Variants in RAB40B observed in about 807,000 individuals in gnomAD.
The protein encoded by RAB40B is RAB40B, member RAS oncogene family.
RAB40B carries 21 observed loss-of-function variants against 24.0 expected under a neutral mutation model. That is an observed-to-expected ratio of 0.88 (90% confidence interval 0.62 to 1.26). The LOEUF (loss-of-function observed/expected upper bound fraction) is 1.26. Among genes scored for constraint, RAB40B ranks in the 50% most tolerant of loss-of-function variants. The pLI, the probability that RAB40B is intolerant of heterozygous loss-of-function variation, is 0.00. For synonymous variants in RAB40B, 167 were observed against 169.8 expected (o/e 0.98, Z 0.13); for missense variants, 348 against 390.5 (o/e 0.89, Z 0.92).
At chr17:82,676,437 T>TC (rs372603297) in intron 1 of RAB40B, among the ~76,000 whole-genome samples, 56 of 76,094 alleles carry the variant, frequency 7.4e-4, no homozygotes, top group Admixed American at 1.2e-3. Context: ...CAACAGCCTC[T>TC]CCCCCCCCAC....
At chr17:82,681,523 T>A (rs1247201592) in intron 1 of RAB40B, among the ~76,000 whole-genome samples, 1 of 152,078 alleles carries the variant, frequency 6.6e-6, no homozygotes, top group Non-Finnish European at 1.5e-5. Context: ...CAGCAAAGCA[T>A]CTCAAGGCTC....
At chr17:82,661,208 G>A in intron 2 of RAB40B, 161 bp from the exon 3 acceptor site, 1 of 1,404,206 alleles carries the variant, frequency 7.1e-7, no homozygotes. Flanking sequence ...TGTCCCTGAA[G>A]GGATCCGGGT....
chr17:82,658,806 A>C (rs2046122790), intron 4 of RAB40B, 93 bp from the exon 5 acceptor site: 3 of 1,152,652 alleles, frequency 2.6e-6, no homozygotes, highest in Non-Finnish European at 2.4e-6. Context: ...GGAACCCCCC[A>C]CGAGTTCATG....
At position 82,692,230 on chromosome 17, in the gene RAB40B, G is replaced by A. The variant is rs59895598; in HGVS notation, c.142+6225C>T. Among the ~76,000 whole-genome samples, 4 of 146,606 alleles carry A rather than the reference G, an allele frequency of 2.7e-5. No individual in the cohort carries two copies. Among genetic ancestry groups the A allele is most frequent in the South Asian group, 4.5e-4 (2 of 4,434 alleles). On this transcript the variant is annotated intron_variant, in intron 1 of 5. Transcript: ENST00000571995. This position sits in a 1 kb window ranked among gnomAD's most constrained non-coding sequence, Gnocchi z 4.0. ...ACAGGCAGAGCAGTGGGGCCCGCACGGTCCGTGGGCTGAGGTGACAGGCAG... is the reference window on the plus strand; with the variant it reads ...ACAGGCAGAGCAGTGGGGCCCGCACAGTCCGTGGGCTGAGGTGACAGGCAG...
At chr17:82,665,129 A>G (rs2046239007) in intron 1 of RAB40B, among the ~76,000 whole-genome samples, 1 of 152,158 alleles carries the variant, frequency 6.6e-6, no homozygotes. Flanking sequence ...GGGACACGGG[A>G]CTGCACACCC....
chr17:82,682,836 C>G (rs2046459594), intron 1 of RAB40B, among the ~76,000 whole-genome samples: 1 of 152,108 alleles, frequency 6.6e-6, no homozygotes, highest in African/African-American at 2.4e-5. Context: ...TCAATCTATA[C>G]CTCACACTAT....
chr17:82,685,479 G>T (rs917692573), intron 1 of RAB40B, among the ~76,000 whole-genome samples: 1 of 152,138 alleles, frequency 6.6e-6, no homozygotes, highest in Non-Finnish European at 1.5e-5. Context: ...TGTGTAGCCC[G>T]TAGGGTCCCA....
rs1283084174 is a variant in RAB40B, at chr17:82,689,225, A to T, written c.142+9230T>A. ...CAGCCTGCACTCCTGGGGCAGGAGG[A>T]GCAGTGAGCAGGTGCGGCTGGCAGG... On this transcript the variant is annotated intron_variant, in intron 1 of 5. Transcript: ENST00000571995. Among the ~76,000 whole-genome samples the T allele has an allele frequency of 2.0e-5, 3 of 152,222 alleles. No individual in the cohort carries two copies. The South Asian group carries it at 6.2e-4, about 32-fold the overall frequency.
At chr17:82,660,477 GCA>G (rs1444469971) in intron 3 of RAB40B, among the ~76,000 whole-genome samples, 2 of 142,264 alleles carry the variant, frequency 1.4e-5, no homozygotes, top group Admixed American at 1.4e-4. Flanking sequence ...GCAAGTACCT[GCA>G]CACGTGTACA....
At chr17:82,662,176 G>A (rs947227693) in intron 2 of RAB40B, 2 of 985,368 alleles carry the variant, frequency 2.0e-6, no homozygotes, top group East Asian at 1.1e-4. Flanking sequence ...AGAAGGGCCT[G>A]GGGCTCCAGA....
chr17:82,664,491 C>T lies in RAB40B; in HGVS notation c.203+5G>A. 2 of 1,612,920 alleles carry T rather than the reference C, an allele frequency of 1.2e-6. No individual in the cohort carries two copies. The highest frequency in any genetic ancestry group is 1.7e-6 in the Non-Finnish European group (2 of 1,179,482). ...GCGGGACGCTCGCACCTCCTCCAGA[C>T]TCACCAGAGCTGCAGCTTCACCCGC... On this transcript the variant is annotated splice_donor_5th_base_variant and intron_variant, in intron 2 of 5. Transcript: ENST00000571995.
chr17:82,666,435 G>C (rs543738157), intron 1 of RAB40B, among the ~76,000 whole-genome samples: 1 of 151,560 alleles, frequency 6.6e-6, no homozygotes, highest in Non-Finnish European at 1.5e-5. Context: ...AGTAGAGATG[G>C]GGTTTCATCA....
intron 1 of RAB40B, among the ~76,000 whole-genome samples, chr17:82,666,665 A>T (rs1339542470): frequency 6.6e-6 from 1 of 151,226 alleles, no homozygotes; most frequent in African/African-American, 2.4e-5. Context: ...GATGAGCACC[A>T]GGTCTGTCAT....
chr17:82,678,879 GTTTTTTTT>G (rs35848277), intron 1 of RAB40B, among the ~76,000 whole-genome samples: 1 of 99,164 alleles, frequency 1.0e-5, no homozygotes, highest in African/African-American at 3.9e-5. Flanking sequence ...CCCTTTCTGC[GTTTTTTTT>G]TTTTTTTTTT....
chr17:82,674,670 A>G (rs969473467), intron 1 of RAB40B, among the ~76,000 whole-genome samples: 1 of 151,932 alleles, frequency 6.6e-6, no homozygotes, highest in Non-Finnish European at 1.5e-5. Flanking sequence ...AAAGAAAAGA[A>G]AAAGCAACCT....
In RAB40B at chr17:82,664,562, G is replaced by C. The variant is rs907371360; in HGVS notation, c.143-6C>G. On this transcript the variant is annotated splice_polypyrimidine_tract_variant and splice_region_variant and intron_variant, in intron 1 of 5. Coordinates refer to ENST00000571995, the MANE Select transcript of RAB40B (RefSeq NM_006822.3). ...GGTCGTCTTGTAGTCGATGCCTGCG[G>C]AAGGGTTAGAGACGGCTTAGGCCTG... The C allele has an allele frequency of 3.1e-6, 5 of 1,613,510 alleles. No individual in the cohort carries two copies. The highest frequency in any genetic ancestry group is 4.2e-6 in the Non-Finnish European group (5 of 1,179,512).
In RAB40B at chr17:82,675,719, G is replaced by C. The variant is rs75751528; in HGVS notation, c.143-11163C>G. On this transcript the variant is annotated intron_variant, in intron 1 of 5. Transcript: ENST00000571995. The surrounding 1 kb of genome is among the most constrained non-coding windows in gnomAD (Gnocchi z 4.5). ...TGGAGGGGCGAGGGAGCTCTTGGAT[G>C]CTTCACTCATCCCATCCACAAAGCC... Among the ~76,000 whole-genome samples the C allele has an allele frequency of 1.3e-3, 193 of 152,210 alleles. 3 individuals are homozygous for C. In the East Asian group the frequency reaches 0.035, roughly 28 times the overall value.
chr17:82,665,346 A>G (rs1432180153), intron 1 of RAB40B, among the ~76,000 whole-genome samples: 4 of 151,486 alleles, frequency 2.6e-5, no homozygotes, highest in Non-Finnish European at 4.4e-5. Flanking sequence ...TCCACAGCCC[A>G]GGCTCAAGTG....
chr17:82,658,174 C>T (rs995934291), intron 5 of RAB40B, 40 bp from the exon 6 acceptor site: 4 of 1,588,548 alleles, frequency 2.5e-6, no homozygotes, highest in East Asian at 2.2e-5. Context: ...GTGGATGTCC[C>T]CACCTGGGCT....
Sources: gnomAD v4.1 joint callset for allele counts (sites outside exome capture counted in the v4.1 genomes callset) on GRCh38, gnomAD v4.1.1 for gene constraint, Gnocchi (gnomAD v3.1) non-coding constraint, MANE v1.5 for transcripts, NCBI Gene and HGNC (gene_info 2026-07-23, HGNC 2026-07-21) for gene names.